The following RPS6KC1 variants were observed in gnomAD, a reference collection of about 807,000 sequenced individuals.
The protein encoded by RPS6KC1 is ribosomal protein S6 kinase C1, also known as inactive ribosomal protein S6 kinase delta-1.
RPS6KC1 carries 54 observed loss-of-function variants against 103.8 expected under a neutral mutation model. The ratio of observed to expected loss-of-function variants is 0.52; its 90% CI spans 0.42 to 0.65. RPS6KC1 has a LOEUF of 0.65. Among genes scored for constraint, RPS6KC1 ranks in the 30% least tolerant of loss-of-function variants. The pLI is 0.00. For missense variants in RPS6KC1, 1,151 were observed against 1,253.8 expected (o/e 0.92, Z 1.24); for synonymous variants, 439 against 438.7 (o/e 1.00, Z -0.01).
At chr1:213,255,258 C>T (rs938910160) in intron 12 of RPS6KC1, among the ~76,000 whole-genome samples, 2 of 150,278 alleles carry the variant, frequency 1.3e-5, no homozygotes, top group East Asian at 2.0e-4. Flanking sequence ...CCCAGGAGGT[C>T]GAGGCTGCAG....
chr1:213,723,084 T>C, the RPS6KC1 span, among the ~76,000 whole-genome samples: 4 of 152,026 alleles, frequency 2.6e-5, no homozygotes, highest in Non-Finnish European at 5.9e-5. Flanking sequence ...GGAGGCTGAG[T>C]CAGGAGAATT....
the RPS6KC1 span, among the ~76,000 whole-genome samples, chr1:213,571,937 G>A: frequency 1.3e-5 from 2 of 152,206 alleles, no homozygotes; most frequent in African/African-American, 4.8e-5. Context: ...AGAGAATGCT[G>A]ATGCTGCTGG....
At chr1:213,782,705 A>G in the RPS6KC1 span, among the ~76,000 whole-genome samples, 1 of 152,172 alleles carries the variant, frequency 6.6e-6, no homozygotes, top group African/African-American at 2.4e-5. Context: ...GAGGAGAAAA[A>G]GAAGGACATG....
chr1:213,345,331 A>G, the RPS6KC1 span, among the ~76,000 whole-genome samples: 1 of 152,238 alleles, frequency 6.6e-6, no homozygotes, highest in Admixed American at 6.5e-5. Flanking sequence ...TAATAATCAT[A>G]GATATTTCAA....
chr1:213,224,131 G>T (rs1471610008), intron 8 of RPS6KC1, among the ~76,000 whole-genome samples: 1 of 151,982 alleles, frequency 6.6e-6, no homozygotes, highest in Non-Finnish European at 1.5e-5. Context: ...TTCTTTATTT[G>T]CTTAAAAATA....
intron 8 of RPS6KC1, among the ~76,000 whole-genome samples, chr1:213,194,948 A>G (rs2092885220): frequency 6.6e-6 from 1 of 152,186 alleles, no homozygotes; most frequent in Non-Finnish European, 1.5e-5. Context: ...CATTCTTAAA[A>G]TGACAAAATT....
At chr1:213,652,982 G>A in the RPS6KC1 span, among the ~76,000 whole-genome samples, 484 of 152,300 alleles carry the variant, frequency 3.2e-3, 1 homozygote, top group African/African-American at 0.011. Context: ...TATCCCTAGC[G>A]CCTAGCAAGA....
the RPS6KC1 span, among the ~76,000 whole-genome samples, chr1:213,309,737 T>C: frequency 3.9e-5 from 6 of 152,168 alleles, no homozygotes; most frequent in Non-Finnish European, 7.4e-5. Context: ...CAGGCTGGAG[T>C]GCAATGGTGA....
At chr1:213,333,375 T>C in the RPS6KC1 span, among the ~76,000 whole-genome samples, 1 of 152,218 alleles carries the variant, frequency 6.6e-6, no homozygotes, top group Non-Finnish European at 1.5e-5. Context: ...GATATATCAC[T>C]GTGTTAAGCA....
At chr1:213,807,114 C>G in the RPS6KC1 span, among the ~76,000 whole-genome samples, 1 of 152,236 alleles carries the variant, frequency 6.6e-6, no homozygotes. Flanking sequence ...GGCCCCCACT[C>G]TCTTCTGGCT....
chr1:213,405,405 G>A, the RPS6KC1 span, among the ~76,000 whole-genome samples: 9 of 152,260 alleles, frequency 5.9e-5, no homozygotes, highest in South Asian at 1.9e-3. Flanking sequence ...TCCATGGCAG[G>A]GATCCTGAAA....
chr1:213,369,779 C>G, the RPS6KC1 span, among the ~76,000 whole-genome samples: 1 of 152,238 alleles, frequency 6.6e-6, no homozygotes, highest in African/African-American at 2.4e-5. Flanking sequence ...AAGGACAAGT[C>G]AGATTAGAGA....
At chr1:213,842,321 C>G in the RPS6KC1 span, 1 of 152,072 alleles carries the variant, frequency 6.6e-6, no homozygotes, top group East Asian at 1.9e-4. Context: ...TAGGTTGAGT[C>G]CATTCATGGG....
the RPS6KC1 span, among the ~76,000 whole-genome samples, chr1:213,733,941 C>A: frequency 6.6e-6 from 1 of 152,202 alleles, no homozygotes; most frequent in Non-Finnish European, 1.5e-5. Context: ...AGGCTCACAG[C>A]AACCCTGTGC....
intron 14 of RPS6KC1, 118 bp from the exon 15 acceptor site, chr1:213,272,406 A>G (rs1305609384): frequency 4.2e-6 from 3 of 721,532 alleles, no homozygotes; most frequent in Non-Finnish European, 4.8e-6. Context: ...TCACTTGGCT[A>G]TTAATCAAGA....
chr1:213,153,494 C>T (rs1315510931), intron 6 of RPS6KC1, among the ~76,000 whole-genome samples: 1 of 152,114 alleles, frequency 6.6e-6, no homozygotes, highest in Non-Finnish European at 1.5e-5. Flanking sequence ...AACTTTGTCC[C>T]CCAGCTTTTA....
At chr1:213,341,058 C>T in the RPS6KC1 span, among the ~76,000 whole-genome samples, 1 of 152,202 alleles carries the variant, frequency 6.6e-6, no homozygotes, top group Admixed American at 6.5e-5. Flanking sequence ...GTAATCCCTG[C>T]GTGTCAGGGC....
chr1:213,739,479 T>C, the RPS6KC1 span, among the ~76,000 whole-genome samples: 1 of 152,074 alleles, frequency 6.6e-6, no homozygotes, highest in East Asian at 1.9e-4. Flanking sequence ...GTAGTAAAAT[T>C]AGAAGTGAGA....
the RPS6KC1 span, among the ~76,000 whole-genome samples, chr1:213,418,841 G>A: frequency 1.1e-4 from 17 of 152,280 alleles, no homozygotes; most frequent in South Asian, 2.3e-3. Context: ...AGGTGAAACA[G>A]CTTTACTTCC....
Sources: gnomAD v4.1 joint callset for allele counts (sites outside exome capture counted in the v4.1 genomes callset) on GRCh38, gnomAD v4.1.1 for gene constraint, MANE v1.5 for transcripts, NCBI Gene and HGNC (gene_info 2026-07-23, HGNC 2026-07-21) for gene names.